The following LOXL2 variants were observed in gnomAD, a reference collection of about 807,000 sequenced individuals.
The protein encoded by LOXL2 is lysyl oxidase homolog 2.
In LOXL2, 70 loss-of-function variants were observed where a neutral mutation model predicts 93.0. The observed-to-expected ratio is 0.75, with a 90% confidence interval of 0.62 to 0.92. The LOEUF (loss-of-function observed/expected upper bound fraction) is 0.92. Ranked by LOEUF, LOXL2 falls within the 40% of genes least tolerant of loss-of-function variation. The pLI is 0.00. For synonymous variants in LOXL2, 438 were observed against 413.2 expected (o/e 1.06, Z -0.73); for missense variants, 973 against 1,054.9 (o/e 0.92, Z 1.08).
At chr8:23,383,624 A>AT (rs1804709460) in intron 1 of LOXL2, among the ~76,000 whole-genome samples, 2 of 131,602 alleles carry the variant, frequency 1.5e-5, no homozygotes, top group African/African-American at 5.6e-5. Flanking sequence ...TAGATTAGTT[A>AT]TTTCTAAGAG....
intron 1 of LOXL2, among the ~76,000 whole-genome samples, chr8:23,388,641 AC>A (rs1284100939): frequency 1.7e-5 from 2 of 116,442 alleles, no homozygotes; most frequent in Admixed American, 9.7e-5. Context: ...ACACACACAC[AC>A]ACACACACAC....
chr8:23,350,431 G>A (rs113324891), intron 3 of LOXL2, among the ~76,000 whole-genome samples: 35 of 152,108 alleles, frequency 2.3e-4, no homozygotes, highest in African/African-American at 7.9e-4. Flanking sequence ...TTAGCTGGGC[G>A]TGGTGGCACG....
Position 23,341,061 on chromosome 8 carries a change from T to A in LOXL2, c.674A>T (p.Lys225Met). ...KQICDKHWTA[K>M]NSRVVCGMFG... ...CATGCCGCAGACCACGCGGGAATTC[T>A]TGGCCGTCCAGTGCTTGTCACAGAT... The change falls in exon 4 of 14, where the codon AAG (lysine) becomes ATG (methionine). Residue 225 changes from lysine to methionine, a missense_variant. Physicochemically the swap from Lys to Met is moderately conservative, Grantham distance 95. Transcript: ENST00000389131. 6.2e-7 allele frequency: 1 copy of A among 1,614,182 alleles called. No homozygotes were observed. Among genetic ancestry groups the A allele is most frequent in the East Asian group, 2.2e-5 (1 of 44,866 alleles).
At chr8:23,379,836 T>TCAGC (rs1303340274) in intron 1 of LOXL2, among the ~76,000 whole-genome samples, 1 of 152,156 alleles carries the variant, frequency 6.6e-6, no homozygotes, top group Non-Finnish European at 1.5e-5. Context: ...GTGCCATCTG[T>TCAGC]CAGCCCTTCC....
Position 23,403,366 on chromosome 8 carries a change from C to G in LOXL2, c.-84+588G>C, listed in dbSNP as rs181755213. On this transcript the variant is annotated intron_variant, in intron 1 of 13. Coordinates refer to ENST00000389131, the MANE Select transcript of LOXL2 (RefSeq NM_002318.3). The stretch of plus-strand genomic sequence containing the variant: ...AGCGCCTCTGCTCCCGCAGGACTCA[C>G]GGCGCTCCCGCGCTCCCAACAGCCT... Among the ~76,000 whole-genome samples the G allele has an allele frequency of 6.3e-3, 961 of 152,314 alleles. 18 individuals are homozygous for G. Among genetic ancestry groups the G allele is most frequent in the Admixed American group, 0.036 (554 of 15,310 alleles).
chr8:23,393,372 T>C (rs1585384742), intron 1 of LOXL2, among the ~76,000 whole-genome samples: 1 of 152,156 alleles, frequency 6.6e-6, no homozygotes, highest in Non-Finnish European at 1.5e-5. Context: ...ATCAATGAGA[T>C]AAAACTGAGA....
intron 12 of LOXL2, among the ~76,000 whole-genome samples, chr8:23,299,649 A>G (rs1803095255): frequency 6.6e-6 from 1 of 152,110 alleles, no homozygotes; most frequent in African/African-American, 2.4e-5. Flanking sequence ...AGAGAAAGGG[A>G]GGGAGAGGGA....
chr8:23,381,877 A>G (rs1585380279), intron 1 of LOXL2, among the ~76,000 whole-genome samples: 1 of 152,224 alleles, frequency 6.6e-6, no homozygotes, highest in African/African-American at 2.4e-5. Context: ...GTGAATGGGC[A>G]CCTGACTGGG....
At chr8:23,314,798 A>T (rs1469134625) in intron 9 of LOXL2, among the ~76,000 whole-genome samples, 1 of 149,192 alleles carries the variant, frequency 6.7e-6, no homozygotes, top group African/African-American at 2.5e-5. Flanking sequence ...TATAATAATA[A>T]TAAATACATA....
At chr8:23,361,792 A>G (rs1232044683) in intron 2 of LOXL2, among the ~76,000 whole-genome samples, 4 of 152,188 alleles carry the variant, frequency 2.6e-5, no homozygotes, top group Non-Finnish European at 4.4e-5. Context: ...GTGAGCTGAG[A>G]TCACACCACT....
At chr8:23,396,343 C>CAA (rs1480311667) in intron 1 of LOXL2, among the ~76,000 whole-genome samples, 1 of 151,578 alleles carries the variant, frequency 6.6e-6, no homozygotes, top group Admixed American at 6.6e-5. Context: ...AACAAACAAA[C>CAA]AAACAAACAA....
chr8:23,392,014 C>T (rs1274522365), intron 1 of LOXL2, among the ~76,000 whole-genome samples: 1 of 152,214 alleles, frequency 6.6e-6, no homozygotes, highest in Non-Finnish European at 1.5e-5. Flanking sequence ...CTCATGACAG[C>T]AGACCTCGCC....
At chr8:23,377,736 G>C (rs183410478) in intron 1 of LOXL2, among the ~76,000 whole-genome samples, 103 of 152,198 alleles carry the variant, frequency 6.8e-4, no homozygotes, top group African/African-American at 2.5e-3. Flanking sequence ...TTTAAAGTCT[G>C]TTTTATCAGA....
At chr8:23,396,422 C>T (rs1257367730) in intron 1 of LOXL2, among the ~76,000 whole-genome samples, 2 of 152,066 alleles carry the variant, frequency 1.3e-5, no homozygotes, top group Admixed American at 6.6e-5. Context: ...AGGCAGGATA[C>T]GGCCAAAGAA....
intron 3 of LOXL2, among the ~76,000 whole-genome samples, chr8:23,346,095 A>ATTAAATTAAATTAAAT (rs1367907831): frequency 1.2e-5 from 1 of 82,162 alleles, no homozygotes; most frequent in Admixed American, 1.3e-4. Context: ...ATAAAATAAA[A>ATTAAATTAAATTAAAT]TAAAATAAAA....
Position 23,322,149 on chromosome 8 carries a change from G to C in LOXL2, c.1283C>G (p.Ala428Gly), listed in dbSNP as rs1429921101. 1 of 1,614,046 alleles carries C rather than the reference G, an allele frequency of 6.2e-7. No individual in the cohort carries two copies. Among genetic ancestry groups the C allele is most frequent in the Non-Finnish European group, 8.5e-7 (1 of 1,180,032 alleles). ...EDAGVRCNTP[A>G]MGLQKKLRLN... ...CATCACCTTCTTCTGCAAGCCCATGGCAGGGGTGTTGCATCTCACACCAGC... is the reference window on the plus strand; with the variant it reads ...CATCACCTTCTTCTGCAAGCCCATGCCAGGGGTGTTGCATCTCACACCAGC... The change falls in exon 7 of 14, where the codon GCC becomes GGC. Residue 428 changes from alanine (A) to glycine (G), a missense_variant. Physicochemically the swap from Ala to Gly is moderately conservative, Grantham distance 60 (BLOSUM62 0). Transcript: ENST00000389131.
At chr8:23,384,725 C>A (rs1207117807) in intron 1 of LOXL2, among the ~76,000 whole-genome samples, 1 of 152,100 alleles carries the variant, frequency 6.6e-6, no homozygotes, top group African/African-American at 2.4e-5. Context: ...ACCAGCCTGG[C>A]CAATGTGGTG....
Position 23,345,179 on chromosome 8 carries a change from A to T in LOXL2, c.532-3976T>A, listed in dbSNP as rs187578767. Reference sequence around the variant, plus strand: ...AAGCTTTTGGAAGTTATCCAAGTTCACACAGCCAGTAAGTAGGTAAACAAG... The same window carrying T: ...AAGCTTTTGGAAGTTATCCAAGTTCTCACAGCCAGTAAGTAGGTAAACAAG... On this transcript the variant is annotated intron_variant, in intron 3 of 13. Transcript: ENST00000389131. Among the ~76,000 whole-genome samples the T allele has an allele frequency of 7.5e-3, 1,146 of 152,346 alleles. 21 individuals carry two copies. The highest frequency in any genetic ancestry group is 0.026 in the African/African-American group (1,084 of 41,572).
At chr8:23,333,667 C>A (rs1333127883) in intron 4 of LOXL2, 44 bp from the exon 5 acceptor site, 2 of 1,500,996 alleles carry the variant, frequency 1.3e-6, no homozygotes, top group Non-Finnish European at 1.8e-6. Context: ...CATCATGACG[C>A]CTACCCCGAT....
Sources: gnomAD v4.1 joint callset for allele counts (sites outside exome capture counted in the v4.1 genomes callset) on GRCh38, gnomAD v4.1.1 for gene constraint, MANE v1.5 for transcripts, NCBI Gene and HGNC (gene_info 2026-07-23, HGNC 2026-07-21) for gene names.